The following CNBD1 variants were observed in gnomAD, a reference collection of about 807,000 sequenced individuals.
CNBD1 encodes cyclic nucleotide binding domain containing 1, also known as cyclic nucleotide-binding domain-containing protein 1.
Under a neutral mutation model 54.4 loss-of-function variants are expected in CNBD1, and 71 were observed. The observed-to-expected ratio is 1.30, with a 90% CI of 1.08 to 1.59. The LOEUF (loss-of-function observed/expected upper bound fraction) is 1.59, where lower values mean the gene tolerates loss of function less well. Ranked by LOEUF, CNBD1 falls within the 40% of genes most tolerant of loss-of-function variation. The pLI is 0.00. For synonymous variants in CNBD1, 182 were observed against 170.7 expected, an observed-to-expected ratio of 1.07 and a Z score of -0.51; for missense variants, 659 against 518.0, an observed-to-expected ratio of 1.27 and a Z score of -2.64.
intron 8 of CNBD1, among the ~76,000 whole-genome samples, chr8:87,332,722 G>A (rs1202408337): frequency 6.6e-6 from 1 of 152,066 alleles, no homozygotes; most frequent in Non-Finnish European, 1.5e-5. Context: ...TCTCTATTAT[G>A]TTTCATTGGT....
intron 4 of CNBD1, among the ~76,000 whole-genome samples, chr8:86,945,149 G>T (rs1483124779): frequency 6.6e-6 from 1 of 151,890 alleles, no homozygotes; most frequent in East Asian, 1.9e-4. Flanking sequence ...CTAATTTCTG[G>T]GGAAAAAAAG....
intron 6 of CNBD1, among the ~76,000 whole-genome samples, chr8:87,281,630 T>C (rs997759334): frequency 3.5e-5 from 5 of 143,540 alleles, no homozygotes; most frequent in African/African-American, 5.0e-5. Context: ...TATTAAAACT[T>C]AGACTTGGTT....
intron 6 of CNBD1, among the ~76,000 whole-genome samples, chr8:87,259,052 T>C (rs1423299751): frequency 6.6e-6 from 1 of 152,164 alleles, no homozygotes; most frequent in Non-Finnish European, 1.5e-5. Flanking sequence ...TTACACACCT[T>C]GTATGTAAAC....
rs141684137 is a variant in CNBD1 at position 87,330,297 on chromosome 8, G to A, written c.1043-21388G>A. Among the ~76,000 whole-genome samples the A allele has an allele frequency of 3.2e-4, 47 of 147,486 alleles. 2 individuals carry two copies. Among genetic ancestry groups the A allele is most frequent in the Middle Eastern group, 3.6e-3 (1 of 276 alleles). ...TTGTATTAATCTTTTTGGAAACCAG[G>A]TTTTGGTTTTGTTGATTTTCTCTAT... On this transcript the variant is annotated intron_variant, in intron 8 of 10. Transcript: ENST00000518476.
At chr8:87,147,383 G>A (rs1282195221) in intron 4 of CNBD1, among the ~76,000 whole-genome samples, 1 of 151,638 alleles carries the variant, frequency 6.6e-6, no homozygotes, top group Non-Finnish European at 1.5e-5. Flanking sequence ...AATATCTCTT[G>A]TATACATGAA....
intron 3 of CNBD1, among the ~76,000 whole-genome samples, chr8:86,912,285 A>G (rs1019153656): frequency 9.2e-5 from 14 of 152,190 alleles, no homozygotes; most frequent in Admixed American, 6.5e-4. Flanking sequence ...TGAGGGGTAC[A>G]TTTTTCTAAA....
chr8:87,248,601 C>T lies in CNBD1; in HGVS notation c.771+11489C>T, dbSNP rs532594941. Among the ~76,000 whole-genome samples the T allele has an allele frequency of 2.2e-4, 33 of 152,292 alleles. No homozygotes were observed. In the South Asian group the frequency reaches 6.6e-3, roughly 31 times the overall value. Reference sequence around the variant, plus strand: ...AAGGTCTCATGGCTTCGTTGGATAGCCTGTTGCCACATATTATATAAAGCA... The same window carrying T: ...AAGGTCTCATGGCTTCGTTGGATAGTCTGTTGCCACATATTATATAAAGCA... On this transcript the variant is annotated intron_variant, in intron 6 of 10. Transcript: ENST00000518476.
At chr8:87,268,033 G>C (rs1314578736) in intron 6 of CNBD1, among the ~76,000 whole-genome samples, 1 of 151,994 alleles carries the variant, frequency 6.6e-6, no homozygotes, top group Non-Finnish European at 1.5e-5. Context: ...GCTGAGTCTT[G>C]GTGTATGAAT....
intron 9 of CNBD1, among the ~76,000 whole-genome samples, chr8:87,352,618 A>T (rs115265684): frequency 3.4e-3 from 512 of 152,308 alleles, no homozygotes; most frequent in African/African-American, 0.011. Flanking sequence ...AAAAATAATT[A>T]TGGATACTTG....
chr8:87,286,423 T>C, intron 7 of CNBD1, 116 bp from the exon 8 acceptor site: 2 of 629,156 alleles, frequency 3.2e-6, no homozygotes, highest in Non-Finnish European at 5.5e-6. Flanking sequence ...ATGTATTCTA[T>C]ACTAACTTAT....
At chr8:87,243,309 A>G (rs1336848345) in intron 6 of CNBD1, among the ~76,000 whole-genome samples, 1 of 152,228 alleles carries the variant, frequency 6.6e-6, no homozygotes, top group African/African-American at 2.4e-5. Flanking sequence ...AACTCAACCA[A>G]TTTGTTTCAA....
rs557898569 is a variant in CNBD1, at chr8:87,105,979, G to T, written c.432-100014G>T. 4.6e-5 allele frequency among the ~76,000 whole-genome samples: 7 copies of T among 152,170 alleles called. 1 individual carries two copies. The South Asian group carries it at 8.3e-4, about 18-fold the overall frequency. Reference sequence around the variant, plus strand: ...ACAGGCAAACCATATCTTTGATAACGCTGACCCTTGACAAGTCATCATCCT... The same window carrying T: ...ACAGGCAAACCATATCTTTGATAACTCTGACCCTTGACAAGTCATCATCCT... On this transcript the variant is annotated intron_variant, in intron 4 of 10. Coordinates refer to ENST00000518476, the MANE Select transcript of CNBD1 (RefSeq NM_173538.3).
At chr8:87,314,524 G>C (rs1214252693) in intron 8 of CNBD1, among the ~76,000 whole-genome samples, 1 of 151,780 alleles carries the variant, frequency 6.6e-6, no homozygotes, top group Non-Finnish European at 1.5e-5. Context: ...GTAAACACCA[G>C]AACCATTGCC....
intron 3 of CNBD1, among the ~76,000 whole-genome samples, chr8:86,924,994 A>G (rs1809334317): frequency 6.6e-6 from 1 of 152,184 alleles, no homozygotes; most frequent in Non-Finnish European, 1.5e-5. Flanking sequence ...TGAGTTTGGC[A>G]CAGACATTAA....
chr8:86,945,590 G>A (rs1807447582), intron 4 of CNBD1, among the ~76,000 whole-genome samples: 1 of 152,094 alleles, frequency 6.6e-6, no homozygotes, highest in African/African-American at 2.4e-5. Flanking sequence ...GAAAAATACA[G>A]TATTTTGGAG....
intron 8 of CNBD1, among the ~76,000 whole-genome samples, chr8:87,307,732 CG>C (rs1366413277): frequency 1.2e-5 from 1 of 83,060 alleles, no homozygotes; most frequent in Non-Finnish European, 2.8e-5. Flanking sequence ...AGTGAAACTC[CG>C]TCTCAAAAAA....
intron 4 of CNBD1, among the ~76,000 whole-genome samples, chr8:87,049,575 C>A (rs1810271509): frequency 6.6e-6 from 1 of 152,080 alleles, no homozygotes; most frequent in Non-Finnish European, 1.5e-5. Context: ...GAAGACAGTC[C>A]AATCTGGATT....
intron 4 of CNBD1, among the ~76,000 whole-genome samples, chr8:87,071,893 T>C (rs1251364825): frequency 2.0e-5 from 3 of 152,144 alleles, no homozygotes; most frequent in Non-Finnish European, 4.4e-5. Context: ...ATGATCTGTC[T>C]AATATTGTCA....
intron 7 of CNBD1, among the ~76,000 whole-genome samples, chr8:87,285,302 C>T (rs1808671536): frequency 6.6e-6 from 1 of 152,146 alleles, no homozygotes; most frequent in African/African-American, 2.4e-5. Context: ...GTGATAACAA[C>T]TTATTCTGAT....
Sources: allele counts gnomAD v4.1 joint callset (sites outside exome capture counted in the v4.1 genomes callset), GRCh38; gene constraint gnomAD v4.1.1; transcripts MANE v1.5; gene names NCBI Gene and HGNC (gene_info 2026-07-23, HGNC 2026-07-21).